The following FAM240A variants were observed in gnomAD, a reference collection of about 807,000 sequenced individuals.
FAM240A encodes the protein protein FAM240A.
Under a neutral mutation model 7.3 loss-of-function variants are expected in FAM240A, and 8 were observed. That is an observed-to-expected ratio of 1.09 (90% CI 0.64 to 1.97). The LOEUF is 1.97. FAM240A is among the 30% of genes most tolerant of loss of function. The pLI is 0.00. For synonymous variants in FAM240A, 32 were observed against 35.9 expected (o/e 0.89, Z 0.38); for missense variants, 90 against 102.2 (o/e 0.88, Z 0.52).
At chr3:46,618,465 A>G (rs769929888) in intron 2 of FAM240A, among the ~76,000 whole-genome samples, 5 of 152,216 alleles carry the variant, frequency 3.3e-5, no homozygotes, top group Non-Finnish European at 7.3e-5. Flanking sequence ...TGCAGAAACC[A>G]AAGGCTCCAA....
At chr3:46,620,305 C>T (rs1697680238) in intron 2 of FAM240A, among the ~76,000 whole-genome samples, 1 of 134,888 alleles carries the variant, frequency 7.4e-6, no homozygotes, top group Admixed American at 7.2e-5. Flanking sequence ...GCTGCAGAGC[C>T]CCTCCCCCAT....
At chr3:46,618,075 G>C (rs983332024) in intron 2 of FAM240A, among the ~76,000 whole-genome samples, 1 of 152,216 alleles carries the variant, frequency 6.6e-6, no homozygotes. Context: ...CGAGGCCATG[G>C]CTTATGTGTG....
intron 2 of FAM240A, among the ~76,000 whole-genome samples, chr3:46,624,058 G>A (rs1301227270): frequency 6.6e-6 from 1 of 151,870 alleles, no homozygotes; most frequent in Non-Finnish European, 1.5e-5. Context: ...GGTTGCTTTA[G>A]GATATATAAT....
chr3:46,614,349 G>C (rs959546182), intron 1 of FAM240A, among the ~76,000 whole-genome samples: 3 of 152,214 alleles, frequency 2.0e-5, no homozygotes, highest in African/African-American at 7.2e-5. Context: ...TCTGCTCATA[G>C]TGAGGACAAT....
chr3:46,619,841 C>T (rs1575386008), intron 2 of FAM240A, among the ~76,000 whole-genome samples: 1 of 152,150 alleles, frequency 6.6e-6, no homozygotes, highest in East Asian at 1.9e-4. Context: ...TGCAAACACC[C>T]CGAGGCAAGG....
chr3:46,621,623 G>C (rs1219398380), intron 2 of FAM240A, among the ~76,000 whole-genome samples: 1 of 152,098 alleles, frequency 6.6e-6, no homozygotes, highest in Non-Finnish European at 1.5e-5. Flanking sequence ...GGCCAGGCAT[G>C]CTACCACGAG....
intron 2 of FAM240A, among the ~76,000 whole-genome samples, chr3:46,618,709 G>A (rs572308118): frequency 9.9e-5 from 15 of 151,872 alleles, no homozygotes; most frequent in African/African-American, 3.4e-4. Flanking sequence ...GCGTGGTGGT[G>A]CATGCCTGTA....
Position 46,622,352 on chromosome 3 carries a change from C to T in FAM240A, c.162-2776C>T, listed in dbSNP as rs191419817. Among the ~76,000 whole-genome samples the T allele has an allele frequency of 2.0e-4, 30 of 151,994 alleles. No individual in the cohort carries two copies. The East Asian group carries it at 3.3e-3, about 17-fold the overall frequency. On this transcript the variant is annotated intron_variant, in intron 2 of 2. Coordinates refer to ENST00000640551, the MANE Select transcript of FAM240A (RefSeq NM_001195442.2). The stretch of plus-strand genomic sequence containing the variant: ...CAATCTTCTGACCTCGTGATCTGCC[C>T]GCCTCGGCCTCCCAAAGTGCTGGGA...
chr3:46,617,069 G>C, intron 1 of FAM240A, 114 bp from the exon 2 acceptor site: 1 of 704,182 alleles, frequency 1.4e-6, no homozygotes, highest in Non-Finnish European at 2.3e-6. Context: ...GTGGATTGGA[G>C]TAAGATGGTA....
At chr3:46,622,106 CTTTTTTT>C (rs1171256555) in intron 2 of FAM240A, among the ~76,000 whole-genome samples, 1 of 79,676 alleles carries the variant, frequency 1.3e-5, no homozygotes, top group Non-Finnish European at 2.5e-5. Flanking sequence ...AGAAAATTTT[CTTTTTTT>C]TTTTTTTTTT....
rs746600816 is a variant in FAM240A, at chr3:46,625,718, T to A, written c.*500T>A. 1 of 152,172 alleles carries A rather than the reference T, an allele frequency of 6.6e-6. No homozygotes were observed. The highest frequency in any genetic ancestry group is 1.5e-5 in the Non-Finnish European group (1 of 68,030). The allele number at this position is 152,172 out of a possible 1,614,324, so 9.4% of individuals were successfully genotyped here. ...CAATTATCAATAGTCAAAGTACAATTTGAAAATAAATTGATCTAATATTCT... is the reference window on the plus strand; with the variant it reads ...CAATTATCAATAGTCAAAGTACAATATGAAAATAAATTGATCTAATATTCT... On this transcript the variant is annotated 3_prime_UTR_variant, in exon 3 of 3. Coordinates refer to ENST00000640551, the MANE Select transcript of FAM240A (RefSeq NM_001195442.2).
intron 2 of FAM240A, among the ~76,000 whole-genome samples, chr3:46,623,299 A>G (rs571341423): frequency 1.3e-5 from 2 of 152,180 alleles, no homozygotes; most frequent in South Asian, 4.2e-4. Context: ...ATTTATTGAG[A>G]CTTGTTTTAT....
chr3:46,624,059 G>A (rs1697726717), intron 2 of FAM240A, among the ~76,000 whole-genome samples: 1 of 151,870 alleles, frequency 6.6e-6, no homozygotes, highest in Non-Finnish European at 1.5e-5. Flanking sequence ...GTTGCTTTAG[G>A]ATATATAATA....
chr3:46,613,244 A>T (rs1305228156), intron 1 of FAM240A, among the ~76,000 whole-genome samples: 3 of 152,230 alleles, frequency 2.0e-5, no homozygotes, highest in Non-Finnish European at 4.4e-5. Flanking sequence ...CTGTAATCCC[A>T]GCACTTTTGA....
chr3:46,614,193 G>A (rs1341438025), intron 1 of FAM240A, among the ~76,000 whole-genome samples: 1 of 151,976 alleles, frequency 6.6e-6, no homozygotes, highest in Admixed American at 6.6e-5. Flanking sequence ...CAAAGTGCTG[G>A]GATTACAGGT....
chr3:46,617,884 G>T (rs1697648846), intron 2 of FAM240A, among the ~76,000 whole-genome samples: 1 of 152,232 alleles, frequency 6.6e-6, no homozygotes, highest in South Asian at 2.1e-4. Flanking sequence ...CTGGCCCAGT[G>T]AGTCTGCCGA....
rs1280466025 is a variant in FAM240A, at chr3:46,625,238, C to T, written c.*20C>T. 11 of 1,511,484 alleles carry T rather than the reference C, an allele frequency of 7.3e-6. No individual in the cohort carries two copies. The highest frequency in any genetic ancestry group is 9.8e-6 in the Non-Finnish European group (11 of 1,127,896). 93.6% of individuals were successfully genotyped at this position (1,511,484 alleles called of 1,614,324 possible). A position where few individuals can be genotyped will look rare whatever the true frequency, so the allele number is the denominator to read the frequency against. Reference sequence around the variant, plus strand: ...GGCTGAGAGCTTCCTGCTTCATTGACACAAGAAGATGCAAAACACTGAGGT... The same window carrying T: ...GGCTGAGAGCTTCCTGCTTCATTGATACAAGAAGATGCAAAACACTGAGGT... On this transcript the variant is annotated 3_prime_UTR_variant, in exon 3 of 3. Transcript: ENST00000640551.
intron 1 of FAM240A, among the ~76,000 whole-genome samples, chr3:46,615,120 C>T (rs565666874): frequency 5.9e-5 from 9 of 152,292 alleles, no homozygotes; most frequent in Non-Finnish European, 7.3e-5. Flanking sequence ...AGTGGAAACA[C>T]GGGTCTGGAG....
At chr3:46,613,446 A>G (rs967261057) in intron 1 of FAM240A, among the ~76,000 whole-genome samples, 15 of 151,950 alleles carry the variant, frequency 9.9e-5, no homozygotes, top group South Asian at 2.1e-4. Flanking sequence ...GTGAGCTGAG[A>G]TCGTGCCACT....
Sources: gnomAD v4.1 joint callset for allele counts (sites outside exome capture counted in the v4.1 genomes callset) on GRCh38, gnomAD v4.1.1 for gene constraint, MANE v1.5 for transcripts, NCBI Gene and HGNC (gene_info 2026-07-23, HGNC 2026-07-21) for gene names.